Variants in TRIM22 observed in about 807,000 individuals in gnomAD.
The protein encoded by TRIM22 is E3 ubiquitin-protein ligase TRIM22.
In TRIM22, 45 loss-of-function variants were observed where a neutral mutation model predicts 53.6. That is an observed-to-expected ratio of 0.84 (90% CI 0.66 to 1.08). The LOEUF (loss-of-function observed/expected upper bound fraction) is 1.08, where lower values mean the gene tolerates loss of function less well. TRIM22 is among the 50% of genes least tolerant of loss of function. The pLI, the probability that TRIM22 is intolerant of heterozygous loss-of-function variation, is 0.00. For missense variants in TRIM22, 616 were observed against 590.9 expected, an observed-to-expected ratio of 1.04 and a Z score of -0.44; for synonymous variants, 225 against 216.6, an observed-to-expected ratio of 1.04 and a Z score of -0.34.
At chr11:5,694,359 T>C (rs920266385) in intron 1 of TRIM22, among the ~76,000 whole-genome samples, 6 of 152,220 alleles carry the variant, frequency 3.9e-5, no homozygotes, top group African/African-American at 9.6e-5. Flanking sequence ...TCCCAAAATA[T>C]ATACATCTTT....
intron 4 of TRIM22, 106 bp from the exon 5 acceptor site, chr11:5,706,488 A>G (rs1853457772): frequency 1.1e-6 from 1 of 938,304 alleles, no homozygotes; most frequent in Admixed American, 2.4e-5. Flanking sequence ...GGTCATATAT[A>G]TAACAAAAAA....
intron 1 of TRIM22, among the ~76,000 whole-genome samples, chr11:5,691,357 C>A (rs187607824): frequency 6.6e-6 from 1 of 152,078 alleles, no homozygotes; most frequent in Admixed American, 6.5e-5. Flanking sequence ...CTGCATACAC[C>A]GGTAATTAGA....
At chr11:5,705,260 G>A (rs1009445049) in intron 4 of TRIM22, among the ~76,000 whole-genome samples, 1 of 152,090 alleles carries the variant, frequency 6.6e-6, no homozygotes, top group African/African-American at 2.4e-5. Context: ...AGTAAAAAGA[G>A]CCGTTGTCTT....
chr11:5,696,214 A>G lies in TRIM22; in HGVS notation c.-19A>G. ...GAACTTCAAGAGTCAAGACAGAAGG[A>G]AGCCAAGGGAGCAGTGCAATGGATT... On this transcript the variant is annotated 5_prime_UTR_variant, in exon 2 of 8. Coordinates refer to ENST00000379965, the MANE Select transcript of TRIM22 (RefSeq NM_006074.5). 1 of 1,581,062 alleles carries G rather than the reference A, an allele frequency of 6.3e-7. No homozygotes were observed. The highest frequency in any genetic ancestry group is 8.6e-7 in the Non-Finnish European group (1 of 1,164,422).
intron 1 of TRIM22, among the ~76,000 whole-genome samples, chr11:5,692,357 A>G (rs930112460): frequency 2.6e-5 from 4 of 152,208 alleles, no homozygotes; most frequent in Middle Eastern, 3.2e-3. Context: ...GAACTGATGA[A>G]CTAACTGTGA....
chr11:5,698,974 T>A (rs1853318051), intron 4 of TRIM22, among the ~76,000 whole-genome samples: 1 of 152,330 alleles, frequency 6.6e-6, no homozygotes, highest in East Asian at 1.9e-4. Context: ...AAACATGTAG[T>A]CTTTTGCATC....
At chr11:5,702,852 T>G (rs1400678076) in intron 4 of TRIM22, among the ~76,000 whole-genome samples, 1 of 152,226 alleles carries the variant, frequency 6.6e-6, no homozygotes, top group Non-Finnish European at 1.5e-5. Context: ...TGGCAAAGTA[T>G]TTCCTTCATT....
rs2134174774 is a variant in TRIM22 at position 5,697,304 on chromosome 11, G to C, written c.480G>C (p.Lys160Asn). The change falls in exon 3 of 8, where the codon AAG (lysine) becomes AAC (asparagine). Residue 160 changes from lysine (K) to asparagine (N), a missense_variant. Physicochemically the swap from Lys to Asn is moderately conservative, Grantham distance 94. Transcript: ENST00000379965. ...RLIKEDQEAEKLEDDIRQERT... is the reference protein window; with the variant it reads ...RLIKEDQEAENLEDDIRQERT... ...TAAAGGAGGATCAAGAGGCTGAGAA[G>C]CTGGAAGATGACATCAGACAAGAGA... 1.2e-6 allele frequency: 2 copies of C among 1,613,808 alleles called. No homozygotes were observed. Among genetic ancestry groups the C allele is most frequent in the Middle Eastern group, 1.7e-4 (1 of 6,056 alleles).
chr11:5,697,221 T>A, intron 2 of TRIM22, 27 bp from the exon 3 acceptor site: 1 of 1,557,356 alleles, frequency 6.4e-7, no homozygotes, highest in South Asian at 1.2e-5. Flanking sequence ...CTCATAACTT[T>A]ACTCTGGTAT....
At chr11:5,697,180 C>G in intron 2 of TRIM22, 68 bp from the exon 3 acceptor site, 1 of 1,234,682 alleles carries the variant, frequency 8.1e-7, no homozygotes, top group South Asian at 1.5e-5. Context: ...CAATTTCTTC[C>G]TTGCTGTCCT....
chr11:5,706,978 C>T (rs1375920466), intron 5 of TRIM22, among the ~76,000 whole-genome samples: 1 of 152,110 alleles, frequency 6.6e-6, no homozygotes, highest in African/African-American at 2.4e-5. Context: ...TTTTCAGAGA[C>T]AGCGCCTTTA....
In TRIM22 at chr11:5,709,247, G is replaced by A. The variant is rs747203095; in HGVS notation, c.1096G>A (p.Ala366Thr). The A allele has an allele frequency of 1.2e-6, 2 of 1,614,182 alleles. No homozygotes were observed. The highest frequency in any genetic ancestry group is 1.1e-5 in the South Asian group (1 of 91,090). ...GGAAGTAGATGTGTCTGGAAAGATTGCCTGGATCCTGGGCGTACACAGTAA... is the reference window on the plus strand; with the variant it reads ...GGAAGTAGATGTGTCTGGAAAGATTACCTGGATCCTGGGCGTACACAGTAA... ...YWEVDVSGKIAWILGVHSKIS... is the reference protein window; with the variant it reads ...YWEVDVSGKITWILGVHSKIS... Residue 366 changes from alanine to threonine, a missense_variant, in exon 8 of 8, where the codon GCC becomes ACC. Coordinates refer to ENST00000379965, the MANE Select transcript of TRIM22 (RefSeq NM_006074.5).
At chr11:5,707,711 C>G (rs891630413) in intron 5 of TRIM22, among the ~76,000 whole-genome samples, 1 of 152,038 alleles carries the variant, frequency 6.6e-6, no homozygotes, top group Non-Finnish European at 1.5e-5. Flanking sequence ...ACTTGGGAGG[C>G]TGAGGCAGGA....
intron 1 of TRIM22, among the ~76,000 whole-genome samples, chr11:5,693,364 G>C (rs1037272382): frequency 3.3e-5 from 5 of 152,004 alleles, no homozygotes; most frequent in Admixed American, 6.6e-5. Flanking sequence ...TTATGTGTCT[G>C]TCTGTCTACC....
chr11:5,708,333 G>A, intron 6 of TRIM22, 60 bp downstream of exon 6: 1 of 1,494,882 alleles, frequency 6.7e-7, no homozygotes, highest in Non-Finnish European at 9.3e-7. Context: ...GCTCAATAGG[G>A]AAGCGGGAGG....
rs1025499017 is a variant in TRIM22 at position 5,709,767 on chromosome 11, G to C, written c.*119G>C. 13 of 897,190 alleles carry C rather than the reference G, an allele frequency of 1.4e-5. No individual in the cohort carries two copies. The highest frequency in any genetic ancestry group is 2.4e-4 in the Middle Eastern group (1 of 4,198). The allele number at this position is 897,190 out of a possible 1,614,324, so 55.6% of individuals were successfully genotyped here. ...CCTTTCTTTCCCCTTCTTTTACTTA[G>C]AATGTCTTTGTATTCATTTGCTAGG... On this transcript the variant is annotated 3_prime_UTR_variant, in exon 8 of 8. Coordinates refer to ENST00000379965, the MANE Select transcript of TRIM22 (RefSeq NM_006074.5).
At chr11:5,697,180 C>T in intron 2 of TRIM22, 68 bp from the exon 3 acceptor site, 1 of 1,234,682 alleles carries the variant, frequency 8.1e-7, no homozygotes, top group Admixed American at 2.7e-5. Context: ...CAATTTCTTC[C>T]TTGCTGTCCT....
At chr11:5,706,857 C>A (rs866899263) in intron 5 of TRIM22, among the ~76,000 whole-genome samples, 1 of 152,178 alleles carries the variant, frequency 6.6e-6, no homozygotes, top group South Asian at 2.1e-4. Context: ...TATCAGAACC[C>A]CATGACTTCA....
At chr11:5,692,114 AC>A (rs1218782171) in intron 1 of TRIM22, among the ~76,000 whole-genome samples, 1 of 152,246 alleles carries the variant, frequency 6.6e-6, no homozygotes, top group Non-Finnish European at 1.5e-5. Context: ...GGAAGTAAAC[AC>A]GCAGTCAAAA....
Sources: allele counts gnomAD v4.1 joint callset (sites outside exome capture counted in the v4.1 genomes callset), GRCh38; gene constraint gnomAD v4.1.1; transcripts MANE v1.5; gene names NCBI Gene and HGNC (gene_info 2026-07-23, HGNC 2026-07-21).